The following TLK1 variants were observed in gnomAD, a reference collection of about 807,000 sequenced individuals.
TLK1 encodes serine/threonine-protein kinase tousled-like 1.
In TLK1, 24 loss-of-function variants were observed where a neutral mutation model predicts 105.3. The observed-to-expected ratio is 0.23, with a 90% CI of 0.17 to 0.32. The LOEUF (loss-of-function observed/expected upper bound fraction) is 0.32. TLK1 is among the 10% of genes least tolerant of loss of function. The probability of loss-of-function intolerance (pLI) is 1.00; values close to 1 mark genes in which losing one functional copy is unlikely to be tolerated. For synonymous variants in TLK1, 321 were observed against 310.4 expected (o/e 1.03, Z -0.36); for missense variants, 558 against 910.5 (o/e 0.61, Z 4.98).
At chr2:171,031,965 G>A (rs1371956997) in intron 11 of TLK1, among the ~76,000 whole-genome samples, 3 of 152,170 alleles carry the variant, frequency 2.0e-5, no homozygotes, top group Non-Finnish European at 2.9e-5. Context: ...GTGCACGCCT[G>A]TAGTCCCAGC....
chr2:171,125,282 A>G (rs1690821394), intron 1 of TLK1, among the ~76,000 whole-genome samples: 1 of 152,174 alleles, frequency 6.6e-6, no homozygotes, highest in African/African-American at 2.4e-5. Flanking sequence ...ATAGTGTAGT[A>G]TATGATTAGT....
chr2:171,134,005 T>A (rs1163565290), intron 1 of TLK1, among the ~76,000 whole-genome samples: 1 of 152,076 alleles, frequency 6.6e-6, no homozygotes, highest in Non-Finnish European at 1.5e-5. Flanking sequence ...CTGTTTTTTT[T>A]AATCCATAAA....
intron 8 of TLK1, among the ~76,000 whole-genome samples, chr2:171,051,165 C>T (rs1687219489): frequency 6.6e-6 from 1 of 152,052 alleles, no homozygotes; most frequent in Admixed American, 6.6e-5. Context: ...CAACTTGAAA[C>T]CTGATTCTAA....
chr2:171,203,656 C>T (rs767737640), intron 1 of TLK1, among the ~76,000 whole-genome samples: 1 of 152,044 alleles, frequency 6.6e-6, no homozygotes, highest in Non-Finnish European at 1.5e-5. Context: ...GGAGCATGAG[C>T]ATTGAGAATG....
At chr2:171,108,074 C>G (rs1431339300) in intron 2 of TLK1, among the ~76,000 whole-genome samples, 14 of 110,324 alleles carry the variant, frequency 1.3e-4, no homozygotes, top group African/African-American at 7.6e-4. Context: ...AAAACAACAA[C>G]AACAACAACA....
intron 11 of TLK1, among the ~76,000 whole-genome samples, chr2:171,028,711 C>T (rs1251523673): frequency 1.3e-5 from 2 of 151,952 alleles, no homozygotes. Context: ...TTAATGAGTA[C>T]CATTTATCAA....
intron 1 of TLK1, among the ~76,000 whole-genome samples, chr2:171,230,429 G>T (rs10203429): frequency 0.039 from 5,914 of 152,120 alleles, 212 homozygotes; most frequent in East Asian, 0.074. Flanking sequence ...CGAATTCCAG[G>T]GAAATAGCTG....
intron 1 of TLK1, among the ~76,000 whole-genome samples, chr2:171,148,035 C>T (rs371318048): frequency 3.9e-5 from 6 of 152,002 alleles, no homozygotes; most frequent in Non-Finnish European, 7.4e-5. Flanking sequence ...GGATTTCAGG[C>T]GTGTGCCACC....
chr2:171,026,313 T>C (rs1479191335), intron 12 of TLK1, among the ~76,000 whole-genome samples: 2 of 152,176 alleles, frequency 1.3e-5, no homozygotes, highest in African/African-American at 4.8e-5. Context: ...AAGTATACCT[T>C]ACTTTATAAA....
intron 12 of TLK1, among the ~76,000 whole-genome samples, chr2:171,017,700 T>C (rs1685275485): frequency 6.6e-6 from 1 of 152,146 alleles, no homozygotes; most frequent in African/African-American, 2.4e-5. Context: ...ATATGTCCCA[T>C]AAAAATCTTA....
At chr2:171,090,737 A>C (rs1689191597) in intron 2 of TLK1, among the ~76,000 whole-genome samples, 1 of 152,208 alleles carries the variant, frequency 6.6e-6, no homozygotes, top group South Asian at 2.1e-4. Flanking sequence ...ACCAGAATTC[A>C]TTCTCTATCA....
intron 1 of TLK1, among the ~76,000 whole-genome samples, chr2:171,194,818 GGGAAAAAAAAAAAA>G (rs1693234448): frequency 9.0e-6 from 1 of 111,642 alleles, no homozygotes; most frequent in African/African-American, 3.6e-5. Flanking sequence ...CTCCGTCTCA[GGGAAAAAAAAAAAA>G]AAAAAAAAGT....
At chr2:171,145,614 T>C (rs561497108) in intron 1 of TLK1, among the ~76,000 whole-genome samples, 1 of 149,530 alleles carries the variant, frequency 6.7e-6, no homozygotes, top group African/African-American at 2.5e-5. Flanking sequence ...AAAAAACAAA[T>C]ATAATGTATG....
At chr2:171,094,347 G>A (rs1558938540) in intron 2 of TLK1, among the ~76,000 whole-genome samples, 1 of 151,948 alleles carries the variant, frequency 6.6e-6, no homozygotes, top group African/African-American at 2.4e-5. Flanking sequence ...GACATATCTA[G>A]GGGATCTACT....
At chr2:171,227,489 C>G (rs768555875) in intron 1 of TLK1, among the ~76,000 whole-genome samples, 31 of 150,012 alleles carry the variant, frequency 2.1e-4, no homozygotes, top group Non-Finnish European at 3.2e-4. Flanking sequence ...TTATGTGTAC[C>G]TGAGTCCAAA....
intron 1 of TLK1, among the ~76,000 whole-genome samples, chr2:171,130,146 A>G (rs7578491): frequency 0.4 from 61,335 of 152,030 alleles, 14,122 homozygotes; most frequent in African/African-American, 0.61. Flanking sequence ...GATCATGCCT[A>G]TAATCCCAGC....
At chr2:171,175,659 A>T (rs1018584923) in intron 1 of TLK1, among the ~76,000 whole-genome samples, 1 of 152,178 alleles carries the variant, frequency 6.6e-6, no homozygotes, top group African/African-American at 2.4e-5. Flanking sequence ...CCTAATTAAC[A>T]GTTACCTCTC....
intron 2 of TLK1, among the ~76,000 whole-genome samples, chr2:171,090,627 T>C (rs985641989): frequency 1.3e-5 from 2 of 152,224 alleles, no homozygotes; most frequent in Non-Finnish European, 2.9e-5. Context: ...TCTAAAATCA[T>C]GTATTTAAAA....
intron 12 of TLK1, among the ~76,000 whole-genome samples, chr2:171,025,244 T>A (rs1276658047): frequency 6.6e-6 from 1 of 152,208 alleles, no homozygotes; most frequent in African/African-American, 2.4e-5. Flanking sequence ...ATATACTTTT[T>A]CATATTTTAG....
Sources: allele counts gnomAD v4.1 joint callset (sites outside exome capture counted in the v4.1 genomes callset), GRCh38; gene constraint gnomAD v4.1.1; transcripts MANE v1.5; gene names NCBI Gene and HGNC (gene_info 2026-07-23, HGNC 2026-07-21).